Variants in CYFIP1 observed in about 807,000 individuals in gnomAD.
CYFIP1 encodes the protein cytoplasmic FMR1 interacting protein 1.
In CYFIP1, 58 loss-of-function variants were observed where a neutral mutation model predicts 163.5. That is an observed-to-expected ratio of 0.35 (90% confidence interval 0.29 to 0.44). The LOEUF (loss-of-function observed/expected upper bound fraction) is 0.44. Among genes scored for constraint, CYFIP1 ranks in the 20% least tolerant of loss-of-function variants. The pLI is 1.00. For missense variants in CYFIP1, 1,338 were observed against 1,653.8 expected (o/e 0.81, Z 3.31); for synonymous variants, 663 against 660.7 (o/e 1.00, Z -0.05).
In CYFIP1 at chr15:22,933,327, T is replaced by G. The variant is rs552177113; in HGVS notation, c.992+475A>C. On this transcript the variant is annotated intron_variant, in intron 10 of 30. Coordinates refer to ENST00000617928, the MANE Select transcript of CYFIP1 (RefSeq NM_014608.6). The stretch of plus-strand genomic sequence containing the variant: ...CAATTGTATTTTTCTTTCTTTTTTT[T>G]TTTTTGAGACGGAGTCTTGCTCTGT... Among the ~76,000 whole-genome samples, 28 of 152,054 alleles carry G rather than the reference T, an allele frequency of 1.8e-4. 1 individual carries two copies. The highest frequency in any genetic ancestry group is 3.7e-4 in the Non-Finnish European group (25 of 67,938).
chr15:22,976,106 C>T (rs2063267003), intron 1 of CYFIP1, among the ~76,000 whole-genome samples: 1 of 151,814 alleles, frequency 6.6e-6, no homozygotes. Context: ...CAATGTATAC[C>T]TAAGTATTTG....
intron 6 of CYFIP1, among the ~76,000 whole-genome samples, chr15:22,940,593 G>A (rs143564698): frequency 5.6e-4 from 86 of 152,318 alleles, no homozygotes; most frequent in African/African-American, 1.9e-3. Context: ...GTAGAGCCTC[G>A]ATCAGCTGCA....
intron 12 of CYFIP1, among the ~76,000 whole-genome samples, chr15:22,926,430 G>C (rs2061359728): frequency 1.3e-5 from 2 of 152,118 alleles, no homozygotes; most frequent in Admixed American, 6.6e-5. Flanking sequence ...CCCAGCACTT[G>C]GGAGGTTGAG....
At chr15:22,906,587 TCCTGA>T (rs1446680144) in intron 21 of CYFIP1, among the ~76,000 whole-genome samples, 4 of 150,126 alleles carry the variant, frequency 2.7e-5, no homozygotes, top group African/African-American at 9.8e-5. Context: ...TGCCTCAGCC[TCCTGA>T]GTAGCTGGGA....
chr15:22,971,758 C>T (rs2063104531), intron 1 of CYFIP1, among the ~76,000 whole-genome samples: 1 of 151,898 alleles, frequency 6.6e-6, no homozygotes, highest in African/African-American at 2.4e-5. Context: ...TAGTCCCAGA[C>T]ACTCAGGAGG....
intron 1 of CYFIP1, chr15:22,948,173 G>C (rs2043969275): frequency 5.7e-6 from 1 of 175,444 alleles, no homozygotes; most frequent in Admixed American, 6.5e-5. Flanking sequence ...GGTGGAGAAG[G>C]GAAGCTCTCC....
At chr15:22,951,836 C>T (rs987797609) in intron 1 of CYFIP1, among the ~76,000 whole-genome samples, 26 of 152,272 alleles carry the variant, frequency 1.7e-4, no homozygotes, top group South Asian at 1.7e-3. Context: ...GAGAACTGCT[C>T]GTGCGTCAGC....
chr15:22,971,829 C>A (rs59417263), intron 1 of CYFIP1, among the ~76,000 whole-genome samples: 22,886 of 152,022 alleles, frequency 0.15, 1,804 homozygotes, highest in East Asian at 0.23. Context: ...ATGACTGCAC[C>A]ACTGAACTCC....
At chr15:22,941,650 C>T (rs1282083760) in intron 6 of CYFIP1, among the ~76,000 whole-genome samples, 21 of 151,936 alleles carry the variant, frequency 1.4e-4, no homozygotes, top group East Asian at 3.9e-4. Context: ...GTAAGAGCTA[C>T]GGAACTGCCC....
chr15:22,923,280 C>A (rs555211611), intron 13 of CYFIP1, among the ~76,000 whole-genome samples: 1 of 152,132 alleles, frequency 6.6e-6, no homozygotes, highest in South Asian at 2.1e-4. Context: ...AAAAAGATAA[C>A]CTAATTAAAA....
intron 22 of CYFIP1, among the ~76,000 whole-genome samples, chr15:22,896,108 G>A (rs1056790086): frequency 6.6e-5 from 10 of 152,140 alleles, no homozygotes; most frequent in African/African-American, 2.2e-4. Flanking sequence ...CCAAATGTGT[G>A]GCTGGTGTCT....
Position 22,870,203 on chromosome 15 carries a change from CAAAGT to C in CYFIP1, c.3598-16_3598-12del. 1 of 1,600,638 alleles carries C rather than the reference CAAAGT, an allele frequency of 6.2e-7. No homozygotes were observed. The highest frequency in any genetic ancestry group is 8.5e-7 in the Non-Finnish European group (1 of 1,175,410). On this transcript the variant is annotated splice_polypyrimidine_tract_variant and intron_variant, in intron 30 of 30. Transcript: ENST00000617928. ...CATCTTCTTCAAAGGCTACAACCAT[CAAAGT>C]GAGGATGTTTTACTATTAACACTTC...
chr15:22,932,412 C>G, intron 10 of CYFIP1, 72 bp from the exon 11 acceptor site: 1 of 1,042,880 alleles, frequency 9.6e-7, no homozygotes, highest in Non-Finnish European at 1.4e-6. Context: ...CAGCTCAGGA[C>G]GCCTGTTTGG....
Position 22,917,640 on chromosome 15 carries a change from G to A in CYFIP1, c.1674+148C>T, listed in dbSNP as rs567533670. On this transcript the variant is annotated intron_variant, in intron 15 of 30. Transcript: ENST00000617928. This position sits in a 1 kb window ranked among gnomAD's most constrained non-coding sequence, Gnocchi z 4.2. ...CAACTCACTTGGGTGGGAAACAGAG[G>A]AGCAGCAGAAACCACAGGCGCCACT... The A allele has an allele frequency of 1.5e-5, 14 of 961,648 alleles. No individual in the cohort carries two copies. Among genetic ancestry groups the A allele is most frequent in the Non-Finnish European group, 1.8e-5 (12 of 676,328 alleles). The allele number at this position is 961,648 out of a possible 1,614,324, so 59.6% of individuals were successfully genotyped here.
At chr15:22,915,035 C>T (rs1188278879) in intron 16 of CYFIP1, 153 bp from the exon 17 acceptor site, 7 of 691,240 alleles carry the variant, frequency 1.0e-5, no homozygotes, top group South Asian at 2.4e-5. Context: ...GTCACCGGGG[C>T]CTTGCACTAG....
chr15:22,908,322 C>T (rs912795763), intron 21 of CYFIP1, among the ~76,000 whole-genome samples: 31 of 152,068 alleles, frequency 2.0e-4, no homozygotes, highest in African/African-American at 6.8e-4. Flanking sequence ...AATGGGTGAG[C>T]GCCCAAAGAG....
At chr15:22,936,074 C>T (rs2061701939) in intron 9 of CYFIP1, among the ~76,000 whole-genome samples, 1 of 152,018 alleles carries the variant, frequency 6.6e-6, no homozygotes, top group African/African-American at 2.4e-5. Flanking sequence ...GAGTTCGAGA[C>T]CAGCCTGGGC....
chr15:22,934,204 T>TG (rs748110331), intron 9 of CYFIP1, among the ~76,000 whole-genome samples: 21 of 140,426 alleles, frequency 1.5e-4, no homozygotes, highest in African/African-American at 5.7e-4. Flanking sequence ...TTTTTTTTTT[T>TG]GAGACAGAGT....
intron 1 of CYFIP1, among the ~76,000 whole-genome samples, chr15:22,963,521 T>TAACATAACATAACATAACATAACATAA (rs1555423925): frequency 4.8e-5 from 7 of 145,234 alleles, no homozygotes; most frequent in South Asian, 2.2e-4. Context: ...TAACATAACA[T>TAACATAACATAACATAACATAACATAA]AACATAACAT....
Sources: gnomAD v4.1 joint callset for allele counts (sites outside exome capture counted in the v4.1 genomes callset) on GRCh38, gnomAD v4.1.1 for gene constraint, Gnocchi (gnomAD v3.1) non-coding constraint, MANE v1.5 for transcripts, NCBI Gene and HGNC (gene_info 2026-07-23, HGNC 2026-07-21) for gene names.